RBFOX1: variants seen among roughly 807,000 people sequenced by gnomAD.
RBFOX1 encodes RNA binding protein fox-1 homolog 1.
A neutral mutation model predicts 57.7 loss-of-function variants in RBFOX1; 8 were observed. That is an observed-to-expected ratio of 0.14 (90% CI 0.08 to 0.25). The LOEUF is 0.25. RBFOX1 is among the 10% of genes least tolerant of loss of function. The pLI, the probability that RBFOX1 is intolerant of heterozygous loss-of-function variation, is 1.00. For missense variants in RBFOX1, 611 were observed against 548.5 expected (o/e 1.11, Z -1.14); for synonymous variants, 326 against 222.4 (o/e 1.47, Z -4.15).
intron 1 of RBFOX1, among the ~76,000 whole-genome samples, chr16:6,310,418 A>T (rs552386822): frequency 6.6e-6 from 1 of 152,360 alleles, no homozygotes; most frequent in South Asian, 2.1e-4. Flanking sequence ...AACTTTGTTT[A>T]TTAAAAGGAT....
chr16:5,917,217 C>G (rs62013870), intron 4 of RBFOX1, among the ~76,000 whole-genome samples: 38,841 of 152,046 alleles, frequency 0.26, 5,960 homozygotes, highest in East Asian at 0.47. Flanking sequence ...AATCCACACC[C>G]CAGAGGAGAG....
intron 4 of RBFOX1, among the ~76,000 whole-genome samples, chr16:7,198,138 T>G (rs1440883750): frequency 6.6e-6 from 1 of 151,206 alleles, no homozygotes; most frequent in Non-Finnish European, 1.5e-5. Context: ...CCCAAGTAGC[T>G]GGGACTACAG....
intron 1 of RBFOX1, among the ~76,000 whole-genome samples, chr16:5,405,804 A>G (rs1314929853): frequency 6.6e-6 from 1 of 152,092 alleles, no homozygotes; most frequent in Non-Finnish European, 1.5e-5. Context: ...ACTGGGGGGC[A>G]TCTGCTTGGG....
chr16:5,783,881 G>C lies in RBFOX1; in HGVS notation c.319-83422G>C, dbSNP rs185574424. Among the ~76,000 whole-genome samples, 27 of 152,238 alleles carry C rather than the reference G, an allele frequency of 1.8e-4. No homozygotes were observed. The East Asian group carries it at 4.6e-3, about 26-fold the overall frequency. On this transcript the variant is annotated intron_variant, in intron 3 of 19. Transcript: ENST00000641259. ...TAAGGATCATAATGGGATTGTTGTG[G>C]CTTTCATGTGTGCATCCCCTCCACA...
chr16:6,884,095 C>A (rs899325163), intron 3 of RBFOX1, among the ~76,000 whole-genome samples: 1 of 152,128 alleles, frequency 6.6e-6, no homozygotes, highest in Non-Finnish European at 1.5e-5. Context: ...CAAGCACCTG[C>A]GATGCGCTGC....
intron 1 of RBFOX1, among the ~76,000 whole-genome samples, chr16:6,101,975 C>G (rs113682803): frequency 0.012 from 1,844 of 152,186 alleles, 19 homozygotes; most frequent in Middle Eastern, 0.027. Context: ...GAGCTGATTG[C>G]TTTGGCTTGA....
At chr16:5,971,841 T>A (rs1014914454) in intron 4 of RBFOX1, among the ~76,000 whole-genome samples, 3 of 152,228 alleles carry the variant, frequency 2.0e-5, no homozygotes, top group African/African-American at 7.2e-5. Flanking sequence ...GAGGGTGTTT[T>A]GGATGAGATT....
intron 1 of RBFOX1, among the ~76,000 whole-genome samples, chr16:5,354,232 C>T (rs1020973845): frequency 1.3e-5 from 2 of 152,172 alleles, no homozygotes; most frequent in African/African-American, 4.8e-5. Flanking sequence ...GTGGGTGAGT[C>T]TCTCTGGTCT....
chr16:5,313,171 G>A (rs551930658), intron 1 of RBFOX1, among the ~76,000 whole-genome samples: 1 of 152,306 alleles, frequency 6.6e-6, no homozygotes, highest in African/African-American at 2.4e-5. Context: ...GGGCAGGGAT[G>A]CTCATTACTC....
chr16:5,991,141 G>C (rs903108114), intron 4 of RBFOX1, among the ~76,000 whole-genome samples: 3 of 152,156 alleles, frequency 2.0e-5, no homozygotes, highest in East Asian at 1.9e-4. Flanking sequence ...TGGACCATTT[G>C]GGGGGTGACT....
intron 3 of RBFOX1, among the ~76,000 whole-genome samples, chr16:6,814,409 C>T (rs542335597): frequency 6.6e-6 from 1 of 152,118 alleles, no homozygotes; most frequent in Non-Finnish European, 1.5e-5. Flanking sequence ...TAAATAATCT[C>T]TGTGTGTCAA....
intron 3 of RBFOX1, among the ~76,000 whole-genome samples, chr16:5,666,118 C>A (rs536682053): frequency 1.3e-5 from 2 of 152,168 alleles, no homozygotes; most frequent in East Asian, 1.9e-4. Flanking sequence ...TTGCAGGGGC[C>A]GGTTCCGTTT....
chr16:6,948,785 A>G (rs1163125046), intron 3 of RBFOX1, among the ~76,000 whole-genome samples: 1 of 152,154 alleles, frequency 6.6e-6, no homozygotes, highest in Non-Finnish European at 1.5e-5. Context: ...CAGAAGAGGA[A>G]GCGTCTTTTC....
Position 6,833,373 on chromosome 16 carries a change from G to T in RBFOX1, c.-16+178723G>T, listed in dbSNP as rs114344762. ...GTAGAGACAGGGTTTCACCATGTTG[G>T]TTCCGCTGTTCTCAAACTCCTGACC... On this transcript the variant is annotated intron_variant, in intron 3 of 15. Transcript: ENST00000550418. Among the ~76,000 whole-genome samples the T allele has an allele frequency of 7.6e-3, 1,160 of 151,988 alleles. 9 individuals are homozygous for T. Among genetic ancestry groups the T allele is most frequent in the African/African-American group, 0.026 (1,068 of 41,430 alleles).
intron 3 of RBFOX1, among the ~76,000 whole-genome samples, chr16:5,709,797 G>T (rs1346767417): frequency 1.2e-4 from 8 of 68,948 alleles, no homozygotes; most frequent in South Asian, 4.6e-4. Context: ...ACTGGGTGTT[G>T]TATCAGTTTC....
At chr16:6,813,032 C>G (rs1241688897) in intron 3 of RBFOX1, among the ~76,000 whole-genome samples, 2 of 151,768 alleles carry the variant, frequency 1.3e-5, no homozygotes, top group South Asian at 2.1e-4. Flanking sequence ...CACAAAAGAC[C>G]TATTGTCATG....
At position 7,222,176 on chromosome 16, in the gene RBFOX1, C is replaced by A. The variant is rs75343477; in HGVS notation, c.27+170078C>A. Among the ~76,000 whole-genome samples the A allele has an allele frequency of 5.9e-3, 860 of 146,258 alleles. 10 individuals carry two copies. Among genetic ancestry groups the A allele is most frequent in the African/African-American group, 0.02 (827 of 41,246 alleles). On this transcript the variant is annotated intron_variant, in intron 4 of 15. Transcript: ENST00000550418. ...AAGCCCAGCCTGAAGTAAGACAGTG[C>A]CATAGACACGACCACACCAGAGGGC... is the stretch of plus-strand genomic sequence containing the variant.
chr16:7,367,988 C>T (rs1315848573), intron 4 of RBFOX1, among the ~76,000 whole-genome samples: 3 of 152,062 alleles, frequency 2.0e-5, no homozygotes, highest in Non-Finnish European at 4.4e-5. Context: ...AAGAGAGAGC[C>T]AGGCATGGTG....
chr16:7,104,898 C>G (rs1233277427), intron 4 of RBFOX1, among the ~76,000 whole-genome samples: 1 of 152,052 alleles, frequency 6.6e-6, no homozygotes, highest in East Asian at 1.9e-4. Context: ...TCAGGTACAG[C>G]CCCAACCATA....
Sources: allele counts gnomAD v4.1 joint callset (sites outside exome capture counted in the v4.1 genomes callset), GRCh38; gene constraint gnomAD v4.1.1; transcripts MANE v1.5; gene names NCBI Gene and HGNC (gene_info 2026-07-23, HGNC 2026-07-21).